ACOT9: variants seen among roughly 807,000 people sequenced by gnomAD.
The protein encoded by ACOT9 is acyl-coenzyme A thioesterase 9, mitochondrial.
In ACOT9, 34 loss-of-function variants were observed where a neutral mutation model predicts 39.7. The observed-to-expected ratio is 0.86, with a 90% confidence interval of 0.65 to 1.14. ACOT9 has a LOEUF of 1.14. Among genes scored for constraint, ACOT9 ranks in the 50% most tolerant of loss-of-function variants. The pLI is 0.00. For synonymous variants in ACOT9, 110 were observed against 120.5 expected (o/e 0.91, Z 0.57); for missense variants, 313 against 344.1 (o/e 0.91, Z 0.71).
intron 1 of ACOT9, 89 bp from the exon 2 acceptor site, chrX:23,736,105 A>AT: frequency 1.4e-6 from 1 of 696,922 alleles, no homozygotes; most frequent in African/African-American, 2.1e-5. Flanking sequence ...GTATCTGGCC[A>AT]TATCACCCTT....
chrX:23,734,981 CAAAA>C (rs56047011), intron 2 of ACOT9, among the ~76,000 whole-genome samples: 1 of 29,755 alleles, frequency 3.4e-5, no homozygotes, highest in African/African-American at 1.7e-4. Flanking sequence ...GACTTCATCT[CAAAA>C]AAAAAAAAAA....
intron 2 of ACOT9, among the ~76,000 whole-genome samples, chrX:23,735,217 G>T (rs1601822127): frequency 2.5e-5 from 2 of 80,987 alleles, no homozygotes; most frequent in African/African-American, 9.9e-5. Context: ...CTCCAGCCTG[G>T]GTGACAGAGC....
At chrX:23,720,041 G>C (rs939194065) in intron 8 of ACOT9, among the ~76,000 whole-genome samples, 2 of 111,968 alleles carry the variant, frequency 1.8e-5, no homozygotes, top group South Asian at 3.6e-4. Flanking sequence ...CACCGTGTTA[G>C]CCAGGATGGT....
intron 9 of ACOT9, 55 bp downstream of exon 9, chrX:23,713,080 C>T: frequency 1.0e-6 from 1 of 1,004,821 alleles, no homozygotes. Flanking sequence ...TCTCTCCAGT[C>T]TTATGTATCT....
chrX:23,741,961 C>T (rs1920969461), intron 1 of ACOT9, among the ~76,000 whole-genome samples: 1 of 110,430 alleles, frequency 9.1e-6, no homozygotes, highest in South Asian at 3.8e-4. Context: ...AGTCGTGCAC[C>T]ACCACACCCG....
At chrX:23,715,678 T>C (rs1213966149) in intron 8 of ACOT9, among the ~76,000 whole-genome samples, 1 of 111,450 alleles carries the variant, frequency 9.0e-6, no homozygotes, top group Non-Finnish European at 1.9e-5. Flanking sequence ...AACGATATAC[T>C]ATATCATAAC....
At chrX:23,741,170 G>C (rs1242774954) in intron 1 of ACOT9, among the ~76,000 whole-genome samples, 1 of 109,697 alleles carries the variant, frequency 9.1e-6, no homozygotes, top group Non-Finnish European at 1.9e-5. Context: ...AAGATAACAA[G>C]TGTTGGTGAG....
At chrX:23,707,314 T>TA (rs72059548) in intron 10 of ACOT9, 12,805 of 95,992 alleles carry the variant, frequency 0.13, 763 homozygotes, top group East Asian at 0.37. Context: ...AAGAACTGTC[T>TA]AAAAAAAAAA....
intron 1 of ACOT9, among the ~76,000 whole-genome samples, chrX:23,737,887 T>TTTTA (rs750180443): frequency 5.5e-4 from 57 of 103,884 alleles, no homozygotes; most frequent in Middle Eastern, 4.9e-3. Context: ...TTTTTTTTTT[T>TTTTA]AGACAGAGTC....
chrX:23,730,904 T>C lies in ACOT9; in HGVS notation c.274A>G (p.Met92Val). ...AGAACTTCAATATAACTGTCCTTCA[T>C]TCTCCTAGGAGGCAGTCCATCCTGT... ...KSQDGLPPRR[M>V]KDSYIEVLLP... Residue 92 changes from methionine (M) to valine (V), a missense_variant, in exon 5 of 16, where the codon ATG becomes GTG. Met to Val is a conservative substitution (Grantham distance 21). Coordinates refer to ENST00000379303, the MANE Select transcript of ACOT9 (RefSeq NM_001037171.2). 8.3e-7 allele frequency: 1 copy of C among 1,210,415 alleles called. No individual in the cohort carries two copies. The highest frequency in any genetic ancestry group is 1.1e-6 in the Non-Finnish European group (1 of 894,098).
chrX:23,742,653 C>T (rs1920988781), intron 1 of ACOT9, among the ~76,000 whole-genome samples: 1 of 111,544 alleles, frequency 9.0e-6, no homozygotes, highest in South Asian at 3.8e-4. Flanking sequence ...CCAAAAGGTA[C>T]CCTGTAATCT....
In ACOT9 at chrX:23,703,827, G is replaced by A. The variant is rs959762778; in HGVS notation, c.*67C>T. 13 of 912,860 alleles carry A rather than the reference G, an allele frequency of 1.4e-5. No homozygotes were observed. The highest frequency in any genetic ancestry group is 2.3e-5 in the Admixed American group (1 of 42,679). 75.2% of individuals were successfully genotyped at this position (912,860 alleles called of 1,213,427 possible). ...AAGCAATACTAAAATCAATACACTC[G>A]ATCAGGTCTTCATCAGATACCACGT... is the stretch of plus-strand genomic sequence containing the variant. On this transcript the variant is annotated 3_prime_UTR_variant, in exon 16 of 16. Transcript: ENST00000379303.
intron 6 of ACOT9, among the ~76,000 whole-genome samples, chrX:23,723,948 C>T (rs762674177): frequency 2.7e-5 from 3 of 112,263 alleles, no homozygotes; most frequent in African/African-American, 6.5e-5. Flanking sequence ...CATAGGTAAG[C>T]GTGGTGTACT....
rs1928643973 is a variant in ACOT9 at position 23,705,489 on chromosome X, C to T, written c.1019+20G>A. 1 of 1,173,453 alleles carries T rather than the reference C, an allele frequency of 8.5e-7. No individual in the cohort carries two copies. Among genetic ancestry groups the T allele is most frequent in the South Asian group, 1.8e-5 (1 of 54,201 alleles). ...ATAAATTGCTTCTCAGAAGTTAAGG[C>T]TGCCTTACATGTAACTCACCCAAAG... On this transcript the variant is annotated intron_variant, in intron 13 of 15. Coordinates refer to ENST00000379303, the MANE Select transcript of ACOT9 (RefSeq NM_001037171.2).
intron 15 of ACOT9, among the ~76,000 whole-genome samples, chrX:23,704,427 G>A (rs1460294431): frequency 9.5e-6 from 1 of 104,786 alleles, no homozygotes; most frequent in African/African-American, 3.5e-5. Context: ...TGATCTGCCC[G>A]TCTCGGCCTC....
chrX:23,720,036 T>C (rs947841580), intron 8 of ACOT9, among the ~76,000 whole-genome samples: 2 of 111,859 alleles, frequency 1.8e-5, no homozygotes, highest in Non-Finnish European at 1.9e-5. Context: ...GGTTTCACCG[T>C]GTTAGCCAGG....
intron 9 of ACOT9, among the ~76,000 whole-genome samples, chrX:23,710,907 G>A (rs1928871079): frequency 9.0e-6 from 1 of 110,501 alleles, no homozygotes; most frequent in Admixed American, 9.7e-5. Context: ...AGGCTGAGGC[G>A]GAAGGATTGC....
intron 9 of ACOT9, among the ~76,000 whole-genome samples, chrX:23,712,931 C>T (rs776212937): frequency 8.9e-6 from 1 of 112,359 alleles, no homozygotes; most frequent in South Asian, 3.7e-4. Flanking sequence ...TGAGAATATT[C>T]TCATTTTTTA....
chrX:23,705,185 A>T, intron 13 of ACOT9, 105 bp from the exon 14 acceptor site: 1 of 739,927 alleles, frequency 1.4e-6, no homozygotes, highest in South Asian at 2.5e-5. Flanking sequence ...AACGAAGAAT[A>T]AAGTTAGAGA....
Sources: allele counts gnomAD v4.1 joint callset (sites outside exome capture counted in the v4.1 genomes callset), GRCh38; gene constraint gnomAD v4.1.1; transcripts MANE v1.5; gene names NCBI Gene and HGNC (gene_info 2026-07-23, HGNC 2026-07-21).